Variants in GLI2 observed in about 807,000 individuals in gnomAD.
The protein encoded by GLI2 is transcription activator GLI2.
Under a neutral mutation model 78.9 loss-of-function variants are expected in GLI2, and 22 were observed. The observed-to-expected ratio is 0.28, with a 90% confidence interval of 0.20 to 0.40. The LOEUF (loss-of-function observed/expected upper bound fraction) is 0.40, where lower values mean the gene tolerates loss of function less well. GLI2 is among the 10% of genes least tolerant of loss of function. The probability of loss-of-function intolerance (pLI) is 1.00; values close to 1 mark genes in which losing one functional copy is unlikely to be tolerated. For missense variants in GLI2, 2,097 were observed against 2,213.2 expected, an observed-to-expected ratio of 0.95 and a Z score of 1.05; for synonymous variants, 974 against 963.7, an observed-to-expected ratio of 1.01 and a Z score of -0.20.
chr2:120,832,803 G>A (rs904423764), intron 2 of GLI2, among the ~76,000 whole-genome samples: 2 of 152,072 alleles, frequency 1.3e-5, no homozygotes, highest in East Asian at 1.9e-4. Flanking sequence ...TCAAGAGGAC[G>A]GGTGGGCTGT....
chr2:120,971,955 T>C lies in GLI2; in HGVS notation c.1074T>C (p.Ser358=). The change falls in exon 8 of 14, where the codon AGT becomes AGC. Residue 358 remains serine, a synonymous_variant. Coordinates refer to ENST00000361492, the MANE Select transcript of GLI2 (RefSeq NM_001374353.1). Reference sequence around the variant, plus strand: ...CCCTTCCTCAGAACAAGCAGAGCAGTGAGTCGGCCGTCAGCAGCACCGTCA... The same window carrying C: ...CCCTTCCTCAGAACAAGCAGAGCAGCGAGTCGGCCGTCAGCAGCACCGTCA... The part of the protein sequence containing the change: ...LSDTNQNKQS[S]ESAVSSTVNP... 2 of 1,613,774 alleles carry C rather than the reference T, an allele frequency of 1.2e-6. No individual in the cohort carries two copies. Among genetic ancestry groups the C allele is most frequent in the South Asian group, 1.1e-5 (1 of 91,080 alleles).
At chr2:120,881,787 ACAGTG>A (rs1677161425) in intron 2 of GLI2, among the ~76,000 whole-genome samples, 1 of 1,320 alleles carries the variant, frequency 7.6e-4, no homozygotes. Context: ...AGTGGGGAGA[ACAGTG>A]GGAGAAGACA....
intron 13 of GLI2, among the ~76,000 whole-genome samples, chr2:120,987,984 T>C (rs1261829391): frequency 6.6e-6 from 1 of 152,146 alleles, no homozygotes; most frequent in Non-Finnish European, 1.5e-5. Context: ...CCCTAGCTAC[T>C]CCAGAGTCTG....
At chr2:120,927,279 T>G in intron 2 of GLI2, 82 bp from the exon 3 acceptor site, 7 of 1,001,272 alleles carry the variant, frequency 7.0e-6, no homozygotes, top group South Asian at 1.3e-5. Flanking sequence ...TGAAATTCAT[T>G]GAGCTTTAAA....
chr2:120,758,608 AAC>A (rs918286119), intron 1 of GLI2, among the ~76,000 whole-genome samples: 4 of 152,202 alleles, frequency 2.6e-5, no homozygotes, highest in African/African-American at 9.6e-5. Flanking sequence ...GGCTCCCTAT[AAC>A]GTCTGAGCTC....
At chr2:120,961,519 G>T (rs1301105287) in intron 5 of GLI2, among the ~76,000 whole-genome samples, 2 of 152,178 alleles carry the variant, frequency 1.3e-5, no homozygotes, top group African/African-American at 4.8e-5. Context: ...TCACGAAGCC[G>T]CTTCACAGGA....
chr2:120,986,355 C>G lies in GLI2; in HGVS notation c.1983C>G (p.Asp661Glu). Residue 661 changes from aspartate to glutamate, a missense_variant, in exon 13 of 14, where the codon GAC becomes GAG. Asp to Glu is a conservative substitution (Grantham distance 45). Around this residue, in one of 5 missense-constraint regions of GLI2, gnomAD observed 68 missense variants for 104.4 expected, o/e 0.65. Transcript: ENST00000361492. ...PSPLGSAPNN[D>E]SGVEMPGTGP... is the part of the protein sequence containing the mutation. ...CTCTGGGCAGTGCCCCCAACAATGA[C>G]AGTGGCGTGGAGATGCCGGGGACGG... 6.2e-7 allele frequency: 1 copy of G among 1,613,692 alleles called. No individual in the cohort carries two copies.
At chr2:120,753,549 T>A (rs534062759) in intron 1 of GLI2, among the ~76,000 whole-genome samples, 3 of 152,252 alleles carry the variant, frequency 2.0e-5, no homozygotes, top group Non-Finnish European at 4.4e-5. Flanking sequence ...TTCTTAGCAA[T>A]TTTTCCGTCA....
chr2:120,893,239 G>C lies in GLI2; in HGVS notation c.149-34122G>C, dbSNP rs375365583. Among the ~76,000 whole-genome samples the C allele has an allele frequency of 2.6e-5, 4 of 152,220 alleles. No individual in the cohort carries two copies. In the East Asian group the frequency reaches 5.8e-4, roughly 22 times the overall value. On this transcript the variant is annotated intron_variant, in intron 2 of 13. Coordinates refer to ENST00000361492, the MANE Select transcript of GLI2 (RefSeq NM_001374353.1). ...GTTTTTGTCCTTGTTGTTGGATGAC[G>C]TGGAGGGAGAAGGGTGGGCTCAAGG... is the stretch of plus-strand genomic sequence containing the variant.
chr2:120,760,232 C>G (rs34923426), intron 1 of GLI2, among the ~76,000 whole-genome samples: 4 of 152,048 alleles, frequency 2.6e-5, no homozygotes, highest in African/African-American at 9.7e-5. Flanking sequence ...TGGGGCCCAT[C>G]CCAACTGTAC....
chr2:120,767,777 G>A (rs374006646), intron 1 of GLI2, among the ~76,000 whole-genome samples: 2 of 152,338 alleles, frequency 1.3e-5, no homozygotes, highest in South Asian at 2.1e-4. Flanking sequence ...CCAGCAAGCC[G>A]GCTGTGTGAC....
rs1004816255 is a variant in GLI2 at position 120,737,295 on chromosome 2, G to A, written c.-31+1010G>A. On this transcript the variant is annotated intron_variant, in intron 1 of 13. Transcript: ENST00000361492. This position sits in a 1 kb window ranked among gnomAD's most constrained non-coding sequence, Gnocchi z 4.3. ...ACCCAGCTCGGCGCCTTTTCAGCCC[G>A]GCGGTAACTGCTGTCATTTCCTAGG... Among the ~76,000 whole-genome samples the A allele has an allele frequency of 2.0e-5, 3 of 151,896 alleles. No individual in the cohort carries two copies. Among genetic ancestry groups the A allele is most frequent in the African/African-American group, 7.3e-5 (3 of 41,344 alleles).
At chr2:120,933,312 G>A (rs1408655278) in intron 3 of GLI2, among the ~76,000 whole-genome samples, 6 of 151,496 alleles carry the variant, frequency 4.0e-5, no homozygotes, top group African/African-American at 9.8e-5. Flanking sequence ...TGATGCTCAC[G>A]TGGTTCCAGG....
At chr2:120,748,470 G>T (rs1016611609) in intron 1 of GLI2, among the ~76,000 whole-genome samples, 31 of 152,076 alleles carry the variant, frequency 2.0e-4, no homozygotes, top group African/African-American at 7.5e-4. Context: ...CTGGGCAGAG[G>T]ACCTCATAGG....
At chr2:120,881,288 A>T (rs1677102021) in intron 2 of GLI2, among the ~76,000 whole-genome samples, 1 of 152,166 alleles carries the variant, frequency 6.6e-6, no homozygotes, top group African/African-American at 2.4e-5. Context: ...TCCTTGTGAA[A>T]GGCCTGGCCC....
chr2:120,972,022 C>A lies in GLI2; in HGVS notation c.1141C>A (p.Pro381Thr). 2 of 1,613,480 alleles carry A rather than the reference C, an allele frequency of 1.2e-6. No individual in the cohort carries two copies. The highest frequency in any genetic ancestry group is 8.5e-7 in the Non-Finnish European group (1 of 1,179,946). Residue 381 changes from proline to threonine, a missense_variant, in exon 8 of 14, where the codon CCT becomes ACT. This residue lies in a region of GLI2 where 578 missense variants were observed against 612.0 expected (regional missense o/e 0.94). Transcript: ENST00000361492. ...IHKRSKVKTE[P>T]EGLRPASPLA... ...CAAGCGCAGCAAGGTCAAGACCGAG[C>A]CTGAGGGCCTGCGGCCGGCCTCCCC...
chr2:120,952,071 A>T (rs1366568604), intron 4 of GLI2, among the ~76,000 whole-genome samples: 1 of 152,192 alleles, frequency 6.6e-6, no homozygotes, highest in Non-Finnish European at 1.5e-5. Flanking sequence ...AAAGTTTTAC[A>T]CTTCTAGTCC....
At chr2:120,806,803 G>T (rs1237110855) in intron 2 of GLI2, among the ~76,000 whole-genome samples, 1 of 152,202 alleles carries the variant, frequency 6.6e-6, no homozygotes, top group African/African-American at 2.4e-5. Flanking sequence ...ATTTGAAGCT[G>T]CTGTCCTCTA....
In GLI2 at chr2:120,955,375, G is replaced by C. The variant is rs35193793; in HGVS notation, c.588G>C (p.Gln196His). 2 of 1,613,144 alleles carry C rather than the reference G, an allele frequency of 1.2e-6. No individual in the cohort carries two copies. The highest frequency in any genetic ancestry group is 2.2e-5 in the East Asian group (1 of 44,824). ...HPAPYGDLLM[Q>H]SGGAASAPHL... Reference sequence around the variant, plus strand: ...CGCCCTACGGGGACCTGCTGATGCAGAGCGGGGGCGCTGCCAGCGCACCCC... The same window carrying C: ...CGCCCTACGGGGACCTGCTGATGCACAGCGGGGGCGCTGCCAGCGCACCCC... The change falls in exon 5 of 14, where the codon CAG becomes CAC. Residue 196 changes from glutamine to histidine, a missense_variant. Physicochemically the swap from Gln to His is conservative, Grantham distance 24. Transcript: ENST00000361492.
Sources: allele counts gnomAD v4.1 joint callset (sites outside exome capture counted in the v4.1 genomes callset), GRCh38; gene constraint gnomAD v4.1.1; regional missense constraint gnomAD v4.1.1; non-coding constraint Gnocchi (gnomAD v3.1); transcripts MANE v1.5; gene names NCBI Gene and HGNC (gene_info 2026-07-23, HGNC 2026-07-21).